Variants in PTDSS2 observed in about 807,000 individuals in gnomAD.
The protein encoded by PTDSS2 is PSS-2.
Under a neutral mutation model 64.7 loss-of-function variants are expected in PTDSS2, and 41 were observed. That is an observed-to-expected ratio of 0.63 (90% CI 0.49 to 0.82). The LOEUF (loss-of-function observed/expected upper bound fraction) is 0.82. Among genes scored for constraint, PTDSS2 ranks in the 40% least tolerant of loss-of-function variants. The pLI, the probability that PTDSS2 is intolerant of heterozygous loss-of-function variation, is 0.00. For synonymous variants in PTDSS2, 297 were observed against 277.8 expected, an observed-to-expected ratio of 1.07 and a Z score of -0.69; for missense variants, 485 against 650.0, an observed-to-expected ratio of 0.75 and a Z score of 2.76.
At chr11:453,080 G>A (rs777972119) in intron 1 of PTDSS2, among the ~76,000 whole-genome samples, 19 of 151,974 alleles carry the variant, frequency 1.3e-4, no homozygotes, top group East Asian at 1.9e-4. Context: ...CAGTGACGGC[G>A]GCCATGTGTG....
At chr11:481,460 A>G (rs551255526) in intron 4 of PTDSS2, among the ~76,000 whole-genome samples, 1 of 152,290 alleles carries the variant, frequency 6.6e-6, no homozygotes, top group Admixed American at 6.5e-5. Flanking sequence ...CATCCTGACA[A>G]TATTAACTCC....
At chr11:488,681 T>G in intron 8 of PTDSS2, 34 bp downstream of exon 8, 8 of 1,461,236 alleles carry the variant, frequency 5.5e-6, no homozygotes, top group Non-Finnish European at 7.7e-6. Flanking sequence ...CAGGGCCGGG[T>G]GGGGGTTACC....
intron 1 of PTDSS2, among the ~76,000 whole-genome samples, chr11:458,468 G>C (rs902554988): frequency 6.8e-6 from 1 of 147,900 alleles, no homozygotes. Context: ...GCCTCCCAAA[G>C]TGCTGGGATT....
At position 468,923 on chromosome 11, in the gene PTDSS2, C is replaced by G. The variant is rs576882338; in HGVS notation, c.285-4972C>G. 2.5e-5 allele frequency among the ~76,000 whole-genome samples: 3 copies of G among 121,636 alleles called. No individual in the cohort carries two copies. The East Asian group carries it at 7.7e-4, about 31-fold the overall frequency. 79.8% of individuals were successfully genotyped at this position (121,636 alleles called of 152,430 possible). On this transcript the variant is annotated intron_variant, in intron 2 of 11. Coordinates refer to ENST00000308020, the MANE Select transcript of PTDSS2 (RefSeq NM_030783.3). ...GGGTAATCGGAGGGAGGAGGGGAGT[C>G]TCTGGGTAATCGGAGAAAGAGGGGA...
At position 489,465 on chromosome 11, in the gene PTDSS2, C is replaced by T. The variant is rs766019555; in HGVS notation, c.920C>T (p.Pro307Leu). Residue 307 changes from proline to leucine, a missense_variant, in exon 9 of 12, where the codon CCG becomes CTG. This residue lies in a region of PTDSS2 where 219 missense variants were observed against 257.3 expected (regional missense o/e 0.85). Transcript: ENST00000308020. ...PYSWVRFEWK[P>L]ASSLRRWLAV... ...AGCTGGGTTCGCTTCGAGTGGAAGC[C>T]GGCCTCCAGCCTGCGTCGCTGGCTG... 6.8e-6 allele frequency: 11 copies of T among 1,612,914 alleles called. No individual in the cohort carries two copies. The highest frequency in any genetic ancestry group is 2.2e-5 in the South Asian group (2 of 91,076).
chr11:468,894 C>G (rs1847263535), intron 2 of PTDSS2, among the ~76,000 whole-genome samples: 1 of 126,868 alleles, frequency 7.9e-6, no homozygotes, highest in African/African-American at 3.2e-5. Flanking sequence ...GGAGGGGAGT[C>G]TCTGGGTAAT....
chr11:451,847 G>C (rs1018691515), intron 1 of PTDSS2, among the ~76,000 whole-genome samples: 1 of 152,216 alleles, frequency 6.6e-6, no homozygotes, highest in South Asian at 2.1e-4. Context: ...GGTGTGGGCA[G>C]CTGCTGTTGC....
At chr11:486,178 G>A (rs1414559891) in intron 4 of PTDSS2, among the ~76,000 whole-genome samples, 1 of 152,208 alleles carries the variant, frequency 6.6e-6, no homozygotes, top group Non-Finnish European at 1.5e-5. Context: ...CCAAAAGCCT[G>A]CCTTGCCCTA....
intron 4 of PTDSS2, among the ~76,000 whole-genome samples, chr11:483,853 C>T (rs1590675197): frequency 1.3e-5 from 2 of 152,170 alleles, no homozygotes; most frequent in East Asian, 1.9e-4. Context: ...GGGGTGAAGG[C>T]GCGCACTGGC....
At chr11:473,835 C>T in intron 2 of PTDSS2, 60 bp from the exon 3 acceptor site, 1 of 1,337,770 alleles carries the variant, frequency 7.5e-7, no homozygotes, top group South Asian at 1.2e-5. Flanking sequence ...CTGCAGCCTC[C>T]CACCTCCCTC....
chr11:467,581 C>T (rs894382004), intron 2 of PTDSS2, among the ~76,000 whole-genome samples: 2 of 151,542 alleles, frequency 1.3e-5, no homozygotes, highest in African/African-American at 4.9e-5. Context: ...CATAGTGAAA[C>T]CCCGTCTCTA....
intron 11 of PTDSS2, 22 bp downstream of exon 11, chr11:490,090 A>G: frequency 6.3e-7 from 1 of 1,589,114 alleles, no homozygotes; most frequent in East Asian, 2.2e-5. Flanking sequence ...CAGGGCGCGT[A>G]TGTTCTGAAG....
intron 1 of PTDSS2, among the ~76,000 whole-genome samples, chr11:457,474 G>T (rs757037962): frequency 2.0e-5 from 3 of 152,178 alleles, no homozygotes; most frequent in Non-Finnish European, 4.4e-5. Flanking sequence ...TGTTCATGAT[G>T]TTGCCCCGGC....
intron 6 of PTDSS2, 69 bp downstream of exon 6, chr11:487,539 C>G (rs377736508): frequency 2.5e-4 from 354 of 1,443,874 alleles, no homozygotes; most frequent in Middle Eastern, 1.4e-3. Context: ...TGGACCGTTT[C>G]TGTCCATGGA....
At chr11:450,863 C>T (rs1183724960) in intron 1 of PTDSS2, among the ~76,000 whole-genome samples, 2 of 152,116 alleles carry the variant, frequency 1.3e-5, no homozygotes, top group East Asian at 3.9e-4. Flanking sequence ...GTGGGGGAGA[C>T]CCTGGGCAGA....
chr11:484,030 T>A (rs1040323612), intron 4 of PTDSS2, among the ~76,000 whole-genome samples: 4 of 152,246 alleles, frequency 2.6e-5, no homozygotes, highest in Non-Finnish European at 5.9e-5. Flanking sequence ...GTGTGGCGTC[T>A]GCACGTTGCC....
rs1462978243 is a variant in PTDSS2 at position 470,691 on chromosome 11, G to A, written c.285-3204G>A. ...TGCAACCTCCGCCTCTCGGGTTCAA[G>A]TGATTCTCCTGCCTCAGCCTCCCGA... On this transcript the variant is annotated intron_variant, in intron 2 of 11. Coordinates refer to ENST00000308020, the MANE Select transcript of PTDSS2 (RefSeq NM_030783.3). This position sits in a 1 kb window ranked among gnomAD's most constrained non-coding sequence, Gnocchi z 5.3. Among the ~76,000 whole-genome samples, 1 of 152,166 alleles carries A rather than the reference G, an allele frequency of 6.6e-6. No homozygotes were observed. The highest frequency in any genetic ancestry group is 2.4e-5 in the African/African-American group (1 of 41,428).
intron 2 of PTDSS2, among the ~76,000 whole-genome samples, chr11:468,428 A>G: frequency 6.6e-6 from 1 of 152,242 alleles, no homozygotes; most frequent in East Asian, 1.9e-4. Context: ...GAACTGGACA[A>G]CACGAGCAGA....
intron 1 of PTDSS2, among the ~76,000 whole-genome samples, chr11:452,927 C>T (rs1400420992): frequency 6.6e-6 from 1 of 151,502 alleles, no homozygotes; most frequent in African/African-American, 2.4e-5. Context: ...TAGAGGGTCC[C>T]CCTGTGTTGC....
Sources: allele counts gnomAD v4.1 joint callset (sites outside exome capture counted in the v4.1 genomes callset), GRCh38; gene constraint gnomAD v4.1.1; regional missense constraint gnomAD v4.1.1; non-coding constraint Gnocchi (gnomAD v3.1); transcripts MANE v1.5; gene names NCBI Gene and HGNC (gene_info 2026-07-23, HGNC 2026-07-21).